Variants in DDX10 observed in about 807,000 individuals in gnomAD.
DDX10 encodes the protein DEAD-box helicase 10, also known as probable ATP-dependent RNA helicase DDX10.
A neutral mutation model predicts 104.3 loss-of-function variants in DDX10; 74 were observed. The observed-to-expected ratio is 0.71, with a 90% CI of 0.59 to 0.86. The LOEUF is 0.86. Among genes scored for constraint, DDX10 ranks in the 40% least tolerant of loss-of-function variants. DDX10 has a pLI of 0.00. For synonymous variants in DDX10, 351 were observed against 353.4 expected, an observed-to-expected ratio of 0.99 and a Z score of 0.08; for missense variants, 952 against 1,040.0, an observed-to-expected ratio of 0.92 and a Z score of 1.16.
chr11:108,876,609 A>C (rs1442590174), intron 16 of DDX10, among the ~76,000 whole-genome samples: 4 of 152,190 alleles, frequency 2.6e-5, no homozygotes, highest in African/African-American at 4.8e-5. Flanking sequence ...CAAGTTTCTT[A>C]AACTCTCTGA....
At chr11:108,747,542 G>A (rs116176674) in intron 13 of DDX10, among the ~76,000 whole-genome samples, 290 of 152,248 alleles carry the variant, frequency 1.9e-3, no homozygotes, top group African/African-American at 6.6e-3. Flanking sequence ...AGTATTTTCA[G>A]ACTACTGATT....
At chr11:108,734,973 G>A (rs540913976) in intron 13 of DDX10, among the ~76,000 whole-genome samples, 11 of 152,330 alleles carry the variant, frequency 7.2e-5, no homozygotes, top group Non-Finnish European at 1.0e-4. Context: ...AGCAGTGTGT[G>A]TATCTGTACC....
chr11:108,797,156 C>T (rs1861954180), intron 13 of DDX10, among the ~76,000 whole-genome samples: 1 of 152,274 alleles, frequency 6.6e-6, no homozygotes, highest in East Asian at 1.9e-4. Context: ...GCCTCAGCCT[C>T]CTGAGTAGCT....
At chr11:108,856,170 G>A (rs778741211) in intron 16 of DDX10, among the ~76,000 whole-genome samples, 9 of 151,968 alleles carry the variant, frequency 5.9e-5, no homozygotes, top group Non-Finnish European at 8.8e-5. Flanking sequence ...TGGCTCATGC[G>A]TGTAATCCCA....
chr11:108,841,494 A>G lies in DDX10; in HGVS notation c.2247+18A>G. ...AGCATCGGGTAAGCTTTCCATCTTG[A>G]ATTCATACTGAGTAAAATTTAGTGT... On this transcript the variant is annotated intron_variant, in intron 15 of 17. Coordinates refer to ENST00000322536, the MANE Select transcript of DDX10 (RefSeq NM_004398.4). 10 of 1,610,436 alleles carry G rather than the reference A, an allele frequency of 6.2e-6. No individual in the cohort carries two copies. The highest frequency in any genetic ancestry group is 8.5e-6 in the Non-Finnish European group (10 of 1,178,186).
At chr11:108,704,545 C>A (rs191268012) in intron 9 of DDX10, among the ~76,000 whole-genome samples, 27 of 152,240 alleles carry the variant, frequency 1.8e-4, no homozygotes, top group Non-Finnish European at 3.2e-4. Flanking sequence ...TCAGAAGTTA[C>A]GACATCTCTC....
chr11:108,791,046 G>A (rs2615719), intron 13 of DDX10, among the ~76,000 whole-genome samples: 150,940 of 152,354 alleles, frequency 0.99, 74,802 homozygotes, highest in Middle Eastern at 1. Context: ...GGTGGAGTCT[G>A]TGTCCCTCTA....
chr11:108,826,577 G>A (rs1031280202), intron 13 of DDX10, among the ~76,000 whole-genome samples: 1 of 152,108 alleles, frequency 6.6e-6, no homozygotes, highest in African/African-American at 2.4e-5. Context: ...ACCTTTCTGG[G>A]TCTCTTTATT....
intron 13 of DDX10, among the ~76,000 whole-genome samples, chr11:108,816,387 T>G (rs1862255439): frequency 6.6e-6 from 1 of 152,204 alleles, no homozygotes; most frequent in South Asian, 2.1e-4. Context: ...ATTCAGTCAC[T>G]TCGGACTCAG....
chr11:108,921,497 T>C (rs991782840), intron 17 of DDX10: 3 of 152,238 alleles, frequency 2.0e-5, no homozygotes, highest in African/African-American at 7.2e-5. Flanking sequence ...TTCACAGGTT[T>C]TACTTGCTGT....
intron 17 of DDX10, among the ~76,000 whole-genome samples, chr11:108,931,131 A>G (rs1027642055): frequency 2.0e-5 from 3 of 152,162 alleles, no homozygotes; most frequent in Non-Finnish European, 2.9e-5. Flanking sequence ...TGGGCTGAGC[A>G]AGACCGTATC....
At chr11:108,855,695 G>A (rs12794068) in intron 16 of DDX10, among the ~76,000 whole-genome samples, 22,776 of 151,942 alleles carry the variant, frequency 0.15, 2,107 homozygotes, top group East Asian at 0.27. Context: ...TCCTGACCCC[G>A]TGATCCACCC....
At chr11:108,686,142 A>T (rs2094243690) in intron 6 of DDX10, among the ~76,000 whole-genome samples, 1 of 152,220 alleles carries the variant, frequency 6.6e-6, no homozygotes, top group East Asian at 1.9e-4. Flanking sequence ...AGGAAGGTAC[A>T]GAGATTTGCC....
chr11:108,731,711 A>G (rs2094312513), intron 13 of DDX10, among the ~76,000 whole-genome samples: 1 of 151,844 alleles, frequency 6.6e-6, no homozygotes, highest in African/African-American at 2.4e-5. Flanking sequence ...CTGGCTTTCC[A>G]TTTTATCCTT....
chr11:108,795,365 G>A (rs1232287868), intron 13 of DDX10, among the ~76,000 whole-genome samples: 1 of 148,510 alleles, frequency 6.7e-6, no homozygotes, highest in South Asian at 2.1e-4. Flanking sequence ...ATGCACATAT[G>A]TATACATGTG....
At chr11:108,696,723 C>G (rs528113108) in intron 9 of DDX10, among the ~76,000 whole-genome samples, 1 of 151,756 alleles carries the variant, frequency 6.6e-6, no homozygotes, top group Admixed American at 6.6e-5. Context: ...TTTTTCTTTT[C>G]CTTTTCGATA....
rs79838043 is a variant in DDX10, at chr11:108,926,945, T to C, written c.2450+8927T>C. On this transcript the variant is annotated intron_variant, in intron 17 of 17. Transcript: ENST00000322536. ...TGCAAGAAGGAGAGTTTTATACAAA[T>C]AGGTGCCCAAAACTGGGCTCTCAGG... Among the ~76,000 whole-genome samples the C allele has an allele frequency of 9.8e-5, 15 of 152,336 alleles. No individual in the cohort carries two copies. In the East Asian group the frequency reaches 2.5e-3, roughly 25 times the overall value.
intron 13 of DDX10, among the ~76,000 whole-genome samples, chr11:108,829,672 G>A (rs1862442634): frequency 6.6e-6 from 1 of 152,194 alleles, no homozygotes; most frequent in Admixed American, 6.5e-5. Flanking sequence ...GCCAAGTCTA[G>A]AAGGGTTTTT....
At chr11:108,665,584 A>G (rs1164211419) in intron 1 of DDX10, among the ~76,000 whole-genome samples, 1 of 152,106 alleles carries the variant, frequency 6.6e-6, no homozygotes, top group Non-Finnish European at 1.5e-5. Flanking sequence ...TAATGCTGTA[A>G]TAGCTACAGT....
Sources: allele counts gnomAD v4.1 joint callset (sites outside exome capture counted in the v4.1 genomes callset), GRCh38; gene constraint gnomAD v4.1.1; transcripts MANE v1.5; gene names NCBI Gene and HGNC (gene_info 2026-07-23, HGNC 2026-07-21).